Variants in GLI2 observed in about 807,000 individuals in gnomAD.
GLI2 encodes GLI family zinc finger 2, also known as transcription activator GLI2.
GLI2 carries 22 observed loss-of-function variants against 78.9 expected under a neutral mutation model. That is an observed-to-expected ratio of 0.28 (90% CI 0.20 to 0.40). GLI2 has a LOEUF of 0.40. Ranked by LOEUF, GLI2 falls within the 10% of genes least tolerant of loss-of-function variation. GLI2 has a pLI of 1.00. For synonymous variants in GLI2, 974 were observed against 963.7 expected (o/e 1.01, Z -0.20); for missense variants, 2,097 against 2,213.2 (o/e 0.95, Z 1.05).
chr2:120,850,877 C>T (rs1417921575), intron 2 of GLI2, among the ~76,000 whole-genome samples: 3 of 152,188 alleles, frequency 2.0e-5, no homozygotes, highest in Non-Finnish European at 4.4e-5. Flanking sequence ...AAACATTAAG[C>T]TCATAGGATT....
chr2:120,901,622 C>G (rs1678261088), intron 2 of GLI2, among the ~76,000 whole-genome samples: 1 of 152,198 alleles, frequency 6.6e-6, no homozygotes, highest in Non-Finnish European at 1.5e-5. Flanking sequence ...GAGTGCACAT[C>G]CTGTTTCTTA....
chr2:120,924,935 A>G (rs4848647), intron 2 of GLI2, among the ~76,000 whole-genome samples: 146,202 of 152,360 alleles, frequency 0.96, 70,182 homozygotes, highest in East Asian at 1. Flanking sequence ...CGTCTTCACC[A>G]CAGCCATGTA....
chr2:120,910,089 G>A (rs1028796224), intron 2 of GLI2, among the ~76,000 whole-genome samples: 2 of 152,162 alleles, frequency 1.3e-5, no homozygotes, highest in African/African-American at 2.4e-5. Context: ...GGTCCCCTCC[G>A]TTTTCCTGTG....
chr2:120,848,863 G>A (rs892389043), intron 2 of GLI2, among the ~76,000 whole-genome samples: 2 of 152,150 alleles, frequency 1.3e-5, no homozygotes, highest in Non-Finnish European at 2.9e-5. Context: ...GAGCGGAGCG[G>A]CACTCCTGCC....
At position 120,878,804 on chromosome 2, in the gene GLI2, G is replaced by A. The variant is rs185719672; in HGVS notation, c.149-48557G>A. Among the ~76,000 whole-genome samples, 411 of 151,894 alleles carry A rather than the reference G, an allele frequency of 2.7e-3. 2 individuals carry two copies. The Middle Eastern group carries it at 0.027, about 10-fold the overall frequency. ...AAAAATTAGCCGGGCGTGGTGGTGC[G>A]TGCCTGTAATCCCAGCTACTCAGGA... On this transcript the variant is annotated intron_variant, in intron 2 of 13. Coordinates refer to ENST00000361492, the MANE Select transcript of GLI2 (RefSeq NM_001374353.1).
At chr2:120,764,508 G>A (rs1448282743) in intron 1 of GLI2, among the ~76,000 whole-genome samples, 2 of 152,340 alleles carry the variant, frequency 1.3e-5, no homozygotes, top group African/African-American at 4.8e-5. Context: ...TACTTGAGTG[G>A]GAGTGAGTGT....
chr2:120,752,212 C>G (rs554533870), intron 1 of GLI2, among the ~76,000 whole-genome samples: 1 of 151,668 alleles, frequency 6.6e-6, no homozygotes, highest in African/African-American at 2.4e-5. Flanking sequence ...CACGTGTGTA[C>G]ATGTATGTAT....
At chr2:120,978,033 G>C (rs918417915) in intron 9 of GLI2, among the ~76,000 whole-genome samples, 1 of 152,352 alleles carries the variant, frequency 6.6e-6, no homozygotes, top group Non-Finnish European at 1.5e-5. Flanking sequence ...AGTGCCTACT[G>C]TTTGCAGCCT....
intron 1 of GLI2, among the ~76,000 whole-genome samples, chr2:120,773,171 C>T (rs1016914498): frequency 3.3e-5 from 5 of 152,062 alleles, no homozygotes; most frequent in East Asian, 1.9e-4. Flanking sequence ...GTAGACTGCT[C>T]GAAGTGTAAC....
intron 1 of GLI2, among the ~76,000 whole-genome samples, chr2:120,759,772 G>A (rs1298201069): frequency 6.6e-6 from 1 of 152,146 alleles, no homozygotes; most frequent in Admixed American, 6.5e-5. Flanking sequence ...GGGCTGAAAA[G>A]TCCTAACCCT....
At chr2:120,826,636 G>C (rs7593071) in intron 2 of GLI2, among the ~76,000 whole-genome samples, 2 of 152,164 alleles carry the variant, frequency 1.3e-5, no homozygotes, top group African/African-American at 4.8e-5. Flanking sequence ...CTGCATTGCC[G>C]TTTTACAGAT....
Position 120,990,554 on chromosome 2 carries a change from C to G in GLI2, c.4589C>G (p.Pro1530Arg), listed in dbSNP as rs769826605. 8 of 1,614,112 alleles carry G rather than the reference C, an allele frequency of 5.0e-6. No individual in the cohort carries two copies. Among genetic ancestry groups the G allele is most frequent in the Admixed American group, 1.7e-5 (1 of 60,022 alleles). ...CAGAACTCCTCCCGCCTCACCACCCCCCGAAACTCCTTGACCCTGCCCTCC... is the reference window on the plus strand; with the variant it reads ...CAGAACTCCTCCCGCCTCACCACCCGCCGAAACTCCTTGACCCTGCCCTCC... Reference protein sequence around the residue: ...LSQNSSRLTTPRNSLTLPSIP... With the variant: ...LSQNSSRLTTRRNSLTLPSIP... The change falls in exon 14 of 14, where the codon CCC becomes CGC. Residue 1530 changes from proline to arginine, a missense_variant. Physicochemically the swap from Pro to Arg is moderately radical, Grantham distance 103. Around this residue, in one of 5 missense-constraint regions of GLI2, gnomAD observed 1,290 missense variants for 1,261.7 expected, o/e 1.02. Coordinates refer to ENST00000361492, the MANE Select transcript of GLI2 (RefSeq NM_001374353.1).
chr2:120,914,728 G>A (rs1679009020), intron 2 of GLI2, among the ~76,000 whole-genome samples: 1 of 152,164 alleles, frequency 6.6e-6, no homozygotes, highest in African/African-American at 2.4e-5. Context: ...GCACCCTTCG[G>A]GGCCCTACTG....
At chr2:120,932,424 G>A (rs976224579) in intron 3 of GLI2, among the ~76,000 whole-genome samples, 1 of 152,104 alleles carries the variant, frequency 6.6e-6, no homozygotes, top group African/African-American at 2.4e-5. Flanking sequence ...CCCAGTGTGT[G>A]CAGGCTCCAG....
chr2:120,746,979 GTATTT>G (rs1330640381), intron 1 of GLI2, among the ~76,000 whole-genome samples: 2 of 152,030 alleles, frequency 1.3e-5, no homozygotes, highest in Non-Finnish European at 2.9e-5. Context: ...TGCCTCTCTC[GTATTT>G]TATTTTATCA....
At chr2:120,871,351 G>C (rs886923543) in intron 2 of GLI2, among the ~76,000 whole-genome samples, 1 of 152,230 alleles carries the variant, frequency 6.6e-6, no homozygotes, top group Non-Finnish European at 1.5e-5. Context: ...TGTTTACTCA[G>C]TGAGGATGCA....
intron 5 of GLI2, among the ~76,000 whole-genome samples, chr2:120,966,436 CAG>C (rs1342558218): frequency 6.6e-6 from 1 of 152,240 alleles, no homozygotes; most frequent in Non-Finnish European, 1.5e-5. Flanking sequence ...TCCCTCTACC[CAG>C]AGTCCCTTCA....
chr2:120,822,652 A>G (rs1042342279), intron 2 of GLI2, among the ~76,000 whole-genome samples: 4 of 151,514 alleles, frequency 2.6e-5, no homozygotes, highest in Non-Finnish European at 5.9e-5. Flanking sequence ...CCCTGATTCC[A>G]CCTCCCAAGG....
rs775002368 is a variant in GLI2 at position 120,990,137 on chromosome 2, C to G, written c.4172C>G (p.Ser1391Cys). ...GGCCATGCCATGGCTGCCATGCCGT[C>G]CAGTCAGGAAACAGCAGAGGCTGTG... ...ATGHAMAAMP[S>C]SQETAEAVPK... The change falls in exon 14 of 14, where the codon TCC becomes TGC. Residue 1391 changes from serine (S) to cysteine (C), a missense_variant. This residue lies in a region of GLI2 where 1,290 missense variants were observed against 1,261.7 expected (regional missense o/e 1.02). Coordinates refer to ENST00000361492, the MANE Select transcript of GLI2 (RefSeq NM_001374353.1). The G allele has an allele frequency of 5.6e-5, 90 of 1,607,770 alleles. 2 individuals carry two copies. The South Asian group carries it at 8.9e-4, about 16-fold the overall frequency.
Sources: gnomAD v4.1 joint callset for allele counts (sites outside exome capture counted in the v4.1 genomes callset) on GRCh38, gnomAD v4.1.1 for gene constraint, gnomAD v4.1.1 regional missense constraint, MANE v1.5 for transcripts, NCBI Gene and HGNC (gene_info 2026-07-23, HGNC 2026-07-21) for gene names.